TDRD15: variants seen among roughly 807,000 people sequenced by gnomAD.
TDRD15 encodes the protein tudor domain-containing protein 15.
For synonymous variants in TDRD15, 503 were observed against 314.5 expected, an observed-to-expected ratio of 1.60 and a Z score of -6.34; for missense variants, 1,416 against 904.7, an observed-to-expected ratio of 1.57 and a Z score of -7.25.
At position 21,139,061 on chromosome 2, in the gene TDRD15, C is replaced by T; in HGVS notation, c.1594C>T (p.Pro532Ser). The change falls in exon 4 of 4, where the codon CCT (proline) becomes TCT (serine). Residue 532 changes from proline to serine, a missense_variant. By Grantham distance (74) the Pro-to-Ser change is moderately conservative. Transcript: ENST00000405799. ...CENDEMILRK[P>S]EPGLFCCARY... Reference sequence around the variant, plus strand: ...AAACGATGAAATGATTCTAAGAAAACCTGAACCTGGATTATTTTGTTGTGC... The same window carrying T: ...AAACGATGAAATGATTCTAAGAAAATCTGAACCTGGATTATTTTGTTGTGC... The T allele has an allele frequency of 1.4e-6, 1 of 715,158 alleles. No homozygotes were observed. Among genetic ancestry groups the T allele is most frequent in the Non-Finnish European group, 2.6e-6 (1 of 383,902 alleles). 44.3% of individuals were successfully genotyped at this position (715,158 alleles called of 1,614,324 possible). A position where few individuals can be genotyped will look rare whatever the true frequency, so the allele number is the denominator to read the frequency against.
At chr2:21,129,384 G>T (rs2103436675) in intron 2 of TDRD15, among the ~76,000 whole-genome samples, 1 of 152,184 alleles carries the variant, frequency 6.6e-6, no homozygotes, top group South Asian at 2.1e-4. Flanking sequence ...GTAATTGTTT[G>T]GTTTTTAAAA....
chr2:21,141,081 A>T lies in TDRD15; in HGVS notation c.3614A>T (p.His1205Leu). The change falls in exon 4 of 4, where the codon CAT (histidine) becomes CTT (leucine). Residue 1205 changes from histidine to leucine, a missense_variant. Transcript: ENST00000405799. ...IDQLMHPKNIHARFLKPSVCY... is the reference protein window; with the variant it reads ...IDQLMHPKNILARFLKPSVCY... ...CAATTGATGCATCCCAAAAATATAC[A>T]TGCCAGGTTTTTGAAGCCATCAGTT... The T allele has an allele frequency of 1.4e-6, 1 of 704,808 alleles. No individual in the cohort carries two copies. The highest frequency in any genetic ancestry group is 2.6e-6 in the Non-Finnish European group (1 of 381,284). 43.7% of individuals were successfully genotyped at this position (704,808 alleles called of 1,614,324 possible).
At position 21,139,350 on chromosome 2, in the gene TDRD15, AG is replaced by A. The variant is rs1468912244; in HGVS notation, c.1885del (p.Val629LeufsTer2). 1 of 701,192 alleles carries A rather than the reference AG, an allele frequency of 1.4e-6. No individual in the cohort carries two copies. The highest frequency in any genetic ancestry group is 2.6e-6 in the Non-Finnish European group (1 of 380,590). 43.4% of individuals were successfully genotyped at this position (701,192 alleles called of 1,614,324 possible). A position where few individuals can be genotyped will look rare whatever the true frequency, so the allele number is the denominator to read the frequency against. On this transcript the variant is annotated frameshift_variant, in exon 4 of 4. Coordinates refer to ENST00000405799, the MANE Select transcript of TDRD15 (RefSeq NM_001306137.2). LOFTEE classifies it low-confidence loss of function (END_TRUNC). Reference sequence around the variant, plus strand: ...GTTTTGAACAAAGCAATTTTGCTTCAGGTTATAGCAAAAAAAGATGACAAGT... The same window carrying A: ...GTTTTGAACAAAGCAATTTTGCTTCAGTTATAGCAAAAAAAGATGACAAGT... The part of the protein sequence containing the change: ...KLVLNKAILL[Q>X]VIAKKDDKYT...
intron 1 of TDRD15, among the ~76,000 whole-genome samples, chr2:21,127,086 TC>T (rs889456411): frequency 3.9e-5 from 6 of 152,340 alleles, no homozygotes; most frequent in African/African-American, 1.2e-4. Flanking sequence ...AGCATCTTTT[TC>T]AAATGCGAAT....
intron 1 of TDRD15, among the ~76,000 whole-genome samples, chr2:21,126,296 T>A (rs1371691552): frequency 6.6e-6 from 1 of 152,218 alleles, no homozygotes; most frequent in Non-Finnish European, 1.5e-5. Flanking sequence ...AAATGTGTAT[T>A]CTGCCTCTTT....
At chr2:21,124,633 G>A (rs1156606783) in intron 1 of TDRD15, among the ~76,000 whole-genome samples, 1 of 148,606 alleles carries the variant, frequency 6.7e-6, no homozygotes, top group East Asian at 2.0e-4. Flanking sequence ...GTGTGTGTGT[G>A]ACAGAGTGAT....
rs948597138 is a variant in TDRD15, at chr2:21,140,875, A to C, written c.3408A>C (p.Lys1136Asn). 56 of 710,368 alleles carry C rather than the reference A, an allele frequency of 7.9e-5. No homozygotes were observed. The highest frequency in any genetic ancestry group is 6.9e-4 in the Middle Eastern group (3 of 4,322). The allele number at this position is 710,368 out of a possible 1,614,324, so 44.0% of individuals were successfully genotyped here. Residue 1136 changes from lysine (K) to asparagine (N), a missense_variant, in exon 4 of 4, where the codon AAA (lysine) becomes AAC (asparagine). Coordinates refer to ENST00000405799, the MANE Select transcript of TDRD15 (RefSeq NM_001306137.2). ...DGSQYINEKI[K>N]VLLHAYGKRH... ...CTCAATATATAAATGAGAAAATTAA[A>C]GTGTTGCTTCATGCTTATGGAAAAA...
Position 21,141,682 on chromosome 2 carries a change from A to G in TDRD15, c.4215A>G (p.Gly1405=), listed in dbSNP as rs758476631. ...AATTTTTAACTGTTCCTCAGCTAGG[A>G]ATCCATGCTTTTCTTAGTGGAGTAA... ...QREFLTVPQL[G]IHAFLSGVKW... is the part of the protein sequence containing the mutation. The change falls in exon 4 of 4, where the codon GGA becomes GGG. Residue 1405 remains glycine (G), a synonymous_variant. Coordinates refer to ENST00000405799, the MANE Select transcript of TDRD15 (RefSeq NM_001306137.2). The G allele has an allele frequency of 2.4e-5, 17 of 715,318 alleles. No homozygotes were observed. The African/African-American group carries it at 3.0e-4, about 13-fold the overall frequency. 44.3% of individuals were successfully genotyped at this position (715,318 alleles called of 1,614,324 possible).
intron 2 of TDRD15, among the ~76,000 whole-genome samples, chr2:21,128,695 G>A (rs1387748720): frequency 2.0e-5 from 3 of 151,374 alleles, no homozygotes; most frequent in Non-Finnish European, 4.4e-5. Context: ...ATGGTTTTTG[G>A]GTTTCTATCT....
chr2:21,134,388 T>G (rs2103440260), intron 2 of TDRD15, among the ~76,000 whole-genome samples: 1 of 152,112 alleles, frequency 6.6e-6, no homozygotes, highest in Non-Finnish European at 1.5e-5. Context: ...TTAGATTAAC[T>G]CATTGATTAT....
rs761474289 is a variant in TDRD15 at position 21,142,509 on chromosome 2, A to G, written c.5042A>G (p.Asp1681Gly). 2.9e-6 allele frequency: 2 copies of G among 697,760 alleles called. No individual in the cohort carries two copies. The highest frequency in any genetic ancestry group is 3.1e-5 in the South Asian group (2 of 63,738). 43.2% of individuals were successfully genotyped at this position (697,760 alleles called of 1,614,324 possible). A position where few individuals can be genotyped will look rare whatever the true frequency, so the allele number is the denominator to read the frequency against. The change falls in exon 4 of 4, where the codon GAT becomes GGT. Residue 1681 changes from aspartate (D) to glycine (G), a missense_variant. By Grantham distance (94) the Asp-to-Gly change is moderately conservative. Transcript: ENST00000405799. ...GTTTGGGAAGTAGAAATTTTGGTAG[A>G]TGACCTGTTACTTTTGGAATACTTA... ...DAVWEVEILV[D>G]DLLLLEYLNL...
intron 2 of TDRD15, among the ~76,000 whole-genome samples, 192 bp from the exon 3 acceptor site, chr2:21,134,570 G>T (rs1665774250): frequency 6.6e-6 from 1 of 151,840 alleles, no homozygotes; most frequent in Non-Finnish European, 1.5e-5. Context: ...GTTTTTAATA[G>T]AATAACTTTA....
downstream of TDRD15, among the ~76,000 whole-genome samples, chr2:21,144,452 A>T (rs115659061): frequency 9.3e-3 from 1,409 of 152,018 alleles, 24 homozygotes; most frequent in African/African-American, 0.031. Flanking sequence ...GTAATGTTAG[A>T]AGGTGTTTTA....
rs868040643 is a variant in TDRD15 at position 21,143,792 on chromosome 2, C to G, written c.*520C>G. ...AAATTGAAAATATGTTGCAGGAAAACTTACTAGAAAATCTGGATAAACGGA... is the reference window on the plus strand; with the variant it reads ...AAATTGAAAATATGTTGCAGGAAAAGTTACTAGAAAATCTGGATAAACGGA... On this transcript the variant is annotated 3_prime_UTR_variant, in exon 4 of 4. Coordinates refer to ENST00000405799, the MANE Select transcript of TDRD15 (RefSeq NM_001306137.2). 1.3e-4 allele frequency among the ~76,000 whole-genome samples: 20 copies of G among 151,618 alleles called. No homozygotes were observed. Among genetic ancestry groups the G allele is most frequent in the Non-Finnish European group, 2.4e-4 (16 of 67,708 alleles).
In TDRD15 at chr2:21,140,379, T is replaced by C. The variant is rs1665898291; in HGVS notation, c.2912T>C (p.Ile971Thr). Residue 971 changes from isoleucine (I) to threonine (T), a missense_variant, in exon 4 of 4, where the codon ATA becomes ACA. Transcript: ENST00000405799. The stretch of plus-strand genomic sequence containing the variant: ...ATTGGAAGTGAAGAAGAAGTATATA[T>C]ATCTCACATATATAGTCCCCAAAAG... ...IQIGSEEEVYISHIYSPQKFY... is the reference protein window; with the variant it reads ...IQIGSEEEVYTSHIYSPQKFY... 2 of 703,092 alleles carry C rather than the reference T, an allele frequency of 2.8e-6. No homozygotes were observed. The highest frequency in any genetic ancestry group is 5.3e-6 in the Non-Finnish European group (2 of 380,172). The allele number at this position is 703,092 out of a possible 1,614,324, so 43.6% of individuals were successfully genotyped here.
chr2:21,142,224 A>G lies in TDRD15; in HGVS notation c.4757A>G (p.Lys1586Arg), dbSNP rs1263049008. 3 of 693,484 alleles carry G rather than the reference A, an allele frequency of 4.3e-6. No individual in the cohort carries two copies. Among genetic ancestry groups the G allele is most frequent in the Admixed American group, 4.7e-5 (2 of 42,904 alleles). The allele number at this position is 693,484 out of a possible 1,614,324, so 43.0% of individuals were successfully genotyped here. The change falls in exon 4 of 4, where the codon AAA becomes AGA. Residue 1586 changes from lysine to arginine, a missense_variant. Lys to Arg is a conservative substitution (Grantham distance 26). Coordinates refer to ENST00000405799, the MANE Select transcript of TDRD15 (RefSeq NM_001306137.2). ...GGTTTAGAATGCTTGGCAAAATCTA[A>G]AAATACCTTGAAATGGCATCGATCA... is the stretch of plus-strand genomic sequence containing the variant. The part of the protein sequence containing the change: ...EKGLECLAKS[K>R]NTLKWHRSKV...
Position 21,140,468 on chromosome 2 carries a change from A to C in TDRD15, c.3001A>C (p.Ser1001Arg). ...LEMIETKITE[S>R]VNLQNFPKYD... ...GATGATAGAAACAAAAATCACAGAG[A>C]GTGTTAACCTCCAAAATTTTCCAAA... The change falls in exon 4 of 4, where the codon AGT becomes CGT. Residue 1001 changes from serine to arginine, a missense_variant. Transcript: ENST00000405799. 5.7e-6 allele frequency: 4 copies of C among 695,866 alleles called. 1 individual carries two copies. The South Asian group carries it at 6.4e-5, about 11-fold the overall frequency. The allele number at this position is 695,866 out of a possible 1,614,324, so 43.1% of individuals were successfully genotyped here. A position where few individuals can be genotyped will look rare whatever the true frequency, so the allele number is the denominator to read the frequency against.
At chr2:21,146,363 C>T (rs1318784739), downstream of TDRD15, among the ~76,000 whole-genome samples, 2 of 152,004 alleles carry the variant, frequency 1.3e-5, no homozygotes, top group Admixed American at 6.6e-5. Flanking sequence ...AGAAAATTGG[C>T]TTAACTTTCC....
rs915598227 is a variant in TDRD15 at position 21,138,741 on chromosome 2, T to C, written c.1274T>C (p.Met425Thr). ...KTVGTQVLCP[M>T]SDSKISNILS... ...GTAGGCACACAAGTACTTTGTCCGA[T>C]GTCTGATTCAAAAATCTCCAATATC... Residue 425 changes from methionine to threonine, a missense_variant, in exon 4 of 4, where the codon ATG (methionine) becomes ACG (threonine). Physicochemically the swap from Met to Thr is moderately conservative, Grantham distance 81 (BLOSUM62 -1). Transcript: ENST00000405799. The C allele has an allele frequency of 1.7e-5, 12 of 715,866 alleles. No homozygotes were observed. Among genetic ancestry groups the C allele is most frequent in the African/African-American group, 5.2e-5 (3 of 57,172 alleles). The allele number at this position is 715,866 out of a possible 1,614,324, so 44.3% of individuals were successfully genotyped here.
Sources: allele counts gnomAD v4.1 joint callset (sites outside exome capture counted in the v4.1 genomes callset), GRCh38; gene constraint gnomAD v4.1.1; transcripts MANE v1.5; gene names NCBI Gene and HGNC (gene_info 2026-07-23, HGNC 2026-07-21).